The following TC2N variants were observed in gnomAD, a reference collection of about 807,000 sequenced individuals.
The protein encoded by TC2N is tandem C2 domains nuclear protein.
In TC2N, 51 loss-of-function variants were observed where a neutral mutation model predicts 61.9. The observed-to-expected ratio is 0.82, with a 90% CI of 0.66 to 1.04. TC2N has a LOEUF of 1.04. TC2N is among the 50% of genes least tolerant of loss of function. The pLI is 0.00. For synonymous variants in TC2N, 204 were observed against 192.6 expected, an observed-to-expected ratio of 1.06 and a Z score of -0.49; for missense variants, 556 against 566.7, an observed-to-expected ratio of 0.98 and a Z score of 0.19.
chr14:91,862,676 C>T (rs1212802052), intron 1 of TC2N, among the ~76,000 whole-genome samples: 4 of 152,208 alleles, frequency 2.6e-5, no homozygotes, highest in African/African-American at 9.7e-5. Flanking sequence ...TGCGGCCTGC[C>T]CCATCCCTGC....
intron 1 of TC2N, among the ~76,000 whole-genome samples, chr14:91,818,359 C>T (rs150796251): frequency 5.5e-4 from 83 of 152,182 alleles, no homozygotes; most frequent in Admixed American, 2.1e-3. Context: ...TGGTATTCAC[C>T]AAGGTCAGGA....
intron 1 of TC2N, among the ~76,000 whole-genome samples, chr14:91,854,484 G>T (rs1363401720): frequency 8.5e-6 from 1 of 117,028 alleles, no homozygotes; most frequent in Non-Finnish European, 1.8e-5. Flanking sequence ...GGAGATAGGG[G>T]AGGTGGAGAG....
At chr14:91,854,379 A>G in intron 1 of TC2N, among the ~76,000 whole-genome samples, 1 of 144,090 alleles carries the variant, frequency 6.9e-6, no homozygotes, top group African/African-American at 2.6e-5. Flanking sequence ...GAACTTTTAA[A>G]AGCTCTACAC....
chr14:91,825,350 C>T (rs1025350417), intron 1 of TC2N, among the ~76,000 whole-genome samples: 3 of 151,766 alleles, frequency 2.0e-5, no homozygotes, highest in Non-Finnish European at 2.9e-5. Flanking sequence ...AATTTTCACA[C>T]CTTCCTTTCT....
intron 1 of TC2N, among the ~76,000 whole-genome samples, chr14:91,850,555 G>T (rs542845430): frequency 6.6e-6 from 1 of 152,334 alleles, no homozygotes; most frequent in South Asian, 2.1e-4. Context: ...TGTGAGATCA[G>T]TGGCAGCATT....
At chr14:91,787,807 C>G (rs1243707849) in intron 9 of TC2N, among the ~76,000 whole-genome samples, 180 bp from the exon 10 acceptor site, 1 of 152,016 alleles carries the variant, frequency 6.6e-6, no homozygotes, top group Non-Finnish European at 1.5e-5. Context: ...TTAAAGTACT[C>G]ATTTGCATGG....
At chr14:91,818,970 T>C (rs1439051272) in intron 1 of TC2N, among the ~76,000 whole-genome samples, 1 of 151,638 alleles carries the variant, frequency 6.6e-6, no homozygotes, top group African/African-American at 2.4e-5. Flanking sequence ...TTTGAAGAAA[T>C]AATGGCCAAA....
chr14:91,836,993 C>T (rs142772247), intron 1 of TC2N, among the ~76,000 whole-genome samples: 10 of 152,316 alleles, frequency 6.6e-5, no homozygotes, highest in Non-Finnish European at 1.3e-4. Context: ...ATCAGCCCTG[C>T]TCTCTGCTTT....
At chr14:91,833,924 C>CA (rs200743301) in intron 1 of TC2N, among the ~76,000 whole-genome samples, 85 of 150,640 alleles carry the variant, frequency 5.6e-4, no homozygotes, top group East Asian at 1.7e-3. Context: ...TCTTGAGCAA[C>CA]AAAAAAAAAT....
At chr14:91,853,879 CTGTGGGATGCATTGTT>C (rs1888427237) in intron 1 of TC2N, among the ~76,000 whole-genome samples, 2 of 151,710 alleles carry the variant, frequency 1.3e-5, no homozygotes, top group African/African-American at 2.4e-5. Flanking sequence ...TAAGCTTCTC[CTGTGGGATGCATTGTT>C]TGTGCAAACT....
At chr14:91,835,839 A>G (rs1221621211) in intron 1 of TC2N, among the ~76,000 whole-genome samples, 1 of 152,214 alleles carries the variant, frequency 6.6e-6, no homozygotes, top group African/African-American at 2.4e-5. Flanking sequence ...CTTTCCCCAG[A>G]GCCCAGAAAC....
intron 2 of TC2N, among the ~76,000 whole-genome samples, chr14:91,812,988 T>C (rs1315225187): frequency 6.6e-6 from 1 of 151,828 alleles, no homozygotes; most frequent in African/African-American, 2.4e-5. Context: ...CTAAGCTACA[T>C]GATTTAAGAT....
chr14:91,809,930 G>A (rs1280335513), intron 3 of TC2N, among the ~76,000 whole-genome samples: 1 of 152,198 alleles, frequency 6.6e-6, no homozygotes, highest in Non-Finnish European at 1.5e-5. Flanking sequence ...AGGAAGGGAA[G>A]GAAGGTGTGT....
intron 1 of TC2N, among the ~76,000 whole-genome samples, chr14:91,823,443 C>T (rs1442069658): frequency 6.6e-6 from 1 of 151,764 alleles, no homozygotes; most frequent in Non-Finnish European, 1.5e-5. Flanking sequence ...CCACTTGAAC[C>T]CGGGAGGCGG....
intron 1 of TC2N, among the ~76,000 whole-genome samples, chr14:91,838,263 C>T (rs996619129): frequency 6.6e-6 from 1 of 152,018 alleles, no homozygotes; most frequent in African/African-American, 2.4e-5. Context: ...CCACCTCAGC[C>T]TCCCAAGTGT....
intron 1 of TC2N, among the ~76,000 whole-genome samples, chr14:91,843,419 T>A (rs571134301): frequency 1.3e-5 from 2 of 152,236 alleles, no homozygotes; most frequent in South Asian, 4.1e-4. Context: ...AGTTAGAGGA[T>A]TCAGTTTCTC....
intron 8 of TC2N, 49 bp downstream of exon 8, chr14:91,797,735 AT>A (rs201894129): frequency 0.096 from 106,179 of 1,107,600 alleles, 1,725 homozygotes; most frequent in South Asian, 0.2. Flanking sequence ...AGTGACAAAT[AT>A]AAAAAAAAAA....
intron 3 of TC2N, among the ~76,000 whole-genome samples, chr14:91,806,863 C>T (rs1886530704): frequency 6.6e-6 from 1 of 152,208 alleles, no homozygotes. Context: ...ATGTCAGAGA[C>T]CTTTGCAGCA....
chr14:91,815,068 C>T (rs1016326573), intron 1 of TC2N, among the ~76,000 whole-genome samples: 3 of 151,448 alleles, frequency 2.0e-5, no homozygotes, highest in Non-Finnish European at 4.4e-5. Flanking sequence ...TAAATAAAAA[C>T]AGACTAGGAG....
Sources: allele counts gnomAD v4.1 joint callset (sites outside exome capture counted in the v4.1 genomes callset), GRCh38; gene constraint gnomAD v4.1.1; transcripts MANE v1.5; gene names NCBI Gene and HGNC (gene_info 2026-07-23, HGNC 2026-07-21).